Variants in AFG1L observed in about 807,000 individuals in gnomAD.
AFG1L encodes the protein AFG1 like ATPase.
AFG1L carries 53 observed loss-of-function variants against 62.2 expected under a neutral mutation model. That is an observed-to-expected ratio of 0.85 (90% CI 0.68 to 1.07). AFG1L has a LOEUF of 1.07. Among genes scored for constraint, AFG1L ranks in the 50% least tolerant of loss-of-function variants. The pLI, the probability that AFG1L is intolerant of heterozygous loss-of-function variation, is 0.00. For synonymous variants in AFG1L, 228 were observed against 210.3 expected, an observed-to-expected ratio of 1.08 and a Z score of -0.73; for missense variants, 555 against 590.5, an observed-to-expected ratio of 0.94 and a Z score of 0.62.
chr6:108,410,485 G>A (rs1389591659), intron 7 of AFG1L, among the ~76,000 whole-genome samples: 1 of 151,900 alleles, frequency 6.6e-6, no homozygotes, highest in Non-Finnish European at 1.5e-5. Flanking sequence ...ACTAAATTCA[G>A]TTTTTTAAAA....
intron 8 of AFG1L, among the ~76,000 whole-genome samples, chr6:108,448,217 G>A (rs965988115): frequency 4.6e-5 from 7 of 152,256 alleles, no homozygotes; most frequent in Admixed American, 3.9e-4. Flanking sequence ...TATTATAGGA[G>A]ATTCTTCATT....
chr6:108,352,070 A>G (rs938867533), intron 3 of AFG1L, among the ~76,000 whole-genome samples: 1 of 152,156 alleles, frequency 6.6e-6, no homozygotes, highest in African/African-American at 2.4e-5. Context: ...GAACATTTTT[A>G]TCTTCCCAAA....
intron 6 of AFG1L, among the ~76,000 whole-genome samples, chr6:108,373,983 C>T (rs1360570636): frequency 6.6e-6 from 1 of 152,198 alleles, no homozygotes; most frequent in Non-Finnish European, 1.5e-5. Flanking sequence ...CTTTTCTCCA[C>T]AGCCTCACCA....
chr6:108,400,748 ATAT>A (rs574762920), intron 6 of AFG1L, among the ~76,000 whole-genome samples: 189 of 125,698 alleles, frequency 1.5e-3, no homozygotes, highest in African/African-American at 4.8e-3. Context: ...ATTATATATG[ATAT>A]TATATATGTT....
intron 2 of AFG1L, among the ~76,000 whole-genome samples, chr6:108,334,926 T>C (rs963107233): frequency 6.6e-6 from 1 of 152,112 alleles, no homozygotes; most frequent in Non-Finnish European, 1.5e-5. Context: ...CTCCATCCTT[T>C]CGTTATGGCT....
In AFG1L at chr6:108,400,574, T is replaced by TTTA. The variant is rs571000023; in HGVS notation, c.749-1414_749-1412dup. Among the ~76,000 whole-genome samples the TTTA allele has an allele frequency of 4.7e-3, 643 of 137,548 alleles. 3 individuals carry two copies. The highest frequency in any genetic ancestry group is 0.017 in the African/African-American group (627 of 37,412). 90.2% of individuals were successfully genotyped at this position (137,548 alleles called of 152,430 possible). ...CATTATATATTTATATAAATATATA[T>TTTA]TTATTATTATAATATATAATTTATA... is the stretch of plus-strand genomic sequence containing the variant. On this transcript the variant is annotated intron_variant, in intron 6 of 12. Coordinates refer to ENST00000368977, the MANE Select transcript of AFG1L (RefSeq NM_145315.5).
intron 5 of AFG1L, among the ~76,000 whole-genome samples, chr6:108,361,283 G>T (rs1006630922): frequency 1.3e-5 from 2 of 152,158 alleles, no homozygotes; most frequent in Non-Finnish European, 2.9e-5. Context: ...CTGGCCTGGC[G>T]CAGACCCTGG....
intron 10 of AFG1L, among the ~76,000 whole-genome samples, chr6:108,485,654 ATATTTTTTTTTTT>A (rs1384600596): frequency 3.5e-4 from 8 of 23,040 alleles, no homozygotes; most frequent in Admixed American, 2.2e-3. Flanking sequence ...ATATATATAT[ATATTTTTTTTTTT>A]TTTTTTTTTT....
At chr6:108,512,423 T>C (rs1211117343) in intron 11 of AFG1L, among the ~76,000 whole-genome samples, 1 of 152,056 alleles carries the variant, frequency 6.6e-6, no homozygotes, top group Non-Finnish European at 1.5e-5. Flanking sequence ...GACACAGAGC[T>C]GGGGGATGGA....
intron 10 of AFG1L, among the ~76,000 whole-genome samples, chr6:108,487,598 G>T (rs1004592544): frequency 2.0e-5 from 3 of 152,174 alleles, no homozygotes; most frequent in Non-Finnish European, 4.4e-5. Context: ...AAAGAGCAGT[G>T]CTCACTAGTT....
intron 9 of AFG1L, 72 bp downstream of exon 9, chr6:108,477,007 T>TTA (rs2114815394): frequency 7.5e-7 from 1 of 1,333,798 alleles, no homozygotes; most frequent in East Asian, 2.3e-5. Context: ...GACCAATTAA[T>TTA]AAGTTCCATT....
intron 11 of AFG1L, among the ~76,000 whole-genome samples, chr6:108,515,660 C>T (rs188704183): frequency 1.1e-4 from 17 of 152,046 alleles, no homozygotes; most frequent in South Asian, 4.2e-4. Flanking sequence ...CAGAATAGAA[C>T]GGAAGAAAAT....
intron 8 of AFG1L, among the ~76,000 whole-genome samples, chr6:108,450,776 A>T (rs916810416): frequency 6.6e-6 from 1 of 152,086 alleles, no homozygotes; most frequent in Non-Finnish European, 1.5e-5. Context: ...TAATTGTTGT[A>T]TAAGGTGTAA....
chr6:108,465,705 G>A (rs972726585), intron 8 of AFG1L, among the ~76,000 whole-genome samples: 3 of 150,522 alleles, frequency 2.0e-5, no homozygotes, highest in Non-Finnish European at 2.9e-5. Context: ...ATAAAGTTGT[G>A]TTCTTAAATT....
intron 7 of AFG1L, among the ~76,000 whole-genome samples, chr6:108,433,643 A>G (rs961134843): frequency 6.6e-6 from 1 of 152,000 alleles, no homozygotes; most frequent in African/African-American, 2.4e-5. Context: ...CCCAGGCTGG[A>G]GTGCAGTGGC....
chr6:108,324,944 C>T (rs1036348189), intron 2 of AFG1L, among the ~76,000 whole-genome samples: 1 of 152,124 alleles, frequency 6.6e-6, no homozygotes, highest in African/African-American at 2.4e-5. Context: ...CCACCTGTCT[C>T]GGCCACCCAA....
intron 8 of AFG1L, among the ~76,000 whole-genome samples, chr6:108,466,131 A>C (rs1772656161): frequency 6.6e-6 from 1 of 152,220 alleles, no homozygotes; most frequent in Non-Finnish European, 1.5e-5. Flanking sequence ...ATAATCACTA[A>C]AATGGAAGAG....
chr6:108,339,455 T>TA (rs1485333526), intron 2 of AFG1L, among the ~76,000 whole-genome samples: 2 of 147,498 alleles, frequency 1.4e-5, no homozygotes, highest in Non-Finnish European at 3.0e-5. Flanking sequence ...ATAAATTCTT[T>TA]AAATTTTTTT....
At chr6:108,325,767 T>G (rs1778018320) in intron 2 of AFG1L, among the ~76,000 whole-genome samples, 1 of 151,878 alleles carries the variant, frequency 6.6e-6, no homozygotes, top group South Asian at 2.1e-4. Flanking sequence ...ATTACAGGCA[T>G]AAGCCACTGC....
Sources: allele counts gnomAD v4.1 joint callset (sites outside exome capture counted in the v4.1 genomes callset), GRCh38; gene constraint gnomAD v4.1.1; transcripts MANE v1.5; gene names NCBI Gene and HGNC (gene_info 2026-07-23, HGNC 2026-07-21).